DENND1B: variants seen among roughly 807,000 people sequenced by gnomAD.
DENND1B encodes the protein DENN domain containing 1B.
Under a neutral mutation model 90.1 loss-of-function variants are expected in DENND1B, and 59 were observed. The observed-to-expected ratio is 0.65, with a 90% CI of 0.53 to 0.81. The LOEUF (loss-of-function observed/expected upper bound fraction) is 0.81, where lower values mean the gene tolerates loss of function less well. Ranked by LOEUF, DENND1B falls within the 40% of genes least tolerant of loss-of-function variation. The probability of loss-of-function intolerance (pLI) is 0.00; values close to 1 mark genes in which losing one functional copy is unlikely to be tolerated. For synonymous variants in DENND1B, 337 were observed against 324.6 expected (o/e 1.04, Z -0.41); for missense variants, 862 against 912.6 (o/e 0.94, Z 0.71).
intron 2 of DENND1B, among the ~76,000 whole-genome samples, chr1:197,752,154 TAA>T (rs773389678): frequency 6.6e-6 from 1 of 151,374 alleles, no homozygotes; most frequent in Admixed American, 6.6e-5. Context: ...ACAAGACTAA[TAA>T]AAAAAGAGAG....
At chr1:197,542,147 T>C (rs745366496) in intron 18 of DENND1B, among the ~76,000 whole-genome samples, 2 of 152,164 alleles carry the variant, frequency 1.3e-5, no homozygotes, top group African/African-American at 2.4e-5. Context: ...GCTTTGGTAA[T>C]AATTTAAAAT....
At chr1:197,527,826 T>A (rs1193526903) in intron 20 of DENND1B, among the ~76,000 whole-genome samples, 1 of 151,206 alleles carries the variant, frequency 6.6e-6, no homozygotes, top group African/African-American at 2.4e-5. Flanking sequence ...TTACAATCAC[T>A]TTTTTTTTGG....
At chr1:197,676,023 G>A (rs1227082718) in intron 3 of DENND1B, among the ~76,000 whole-genome samples, 8 of 128,276 alleles carry the variant, frequency 6.2e-5, no homozygotes, top group East Asian at 2.4e-4. Flanking sequence ...TTAAACCTCC[G>A]CACTCTTTAA....
At chr1:197,607,044 G>T in intron 13 of DENND1B, 29 bp downstream of exon 13, 1 of 1,503,118 alleles carries the variant, frequency 6.7e-7, no homozygotes, top group Non-Finnish European at 9.2e-7. Flanking sequence ...AAACATATAT[G>T]TTCACCACTG....
At chr1:197,672,918 G>A (rs1052780569) in intron 4 of DENND1B, among the ~76,000 whole-genome samples, 4 of 151,998 alleles carry the variant, frequency 2.6e-5, no homozygotes, top group South Asian at 2.1e-4. Flanking sequence ...AGTACTGGCT[G>A]TAATCTTGCC....
At chr1:197,567,864 T>C (rs1672811769) in intron 15 of DENND1B, among the ~76,000 whole-genome samples, 3 of 152,120 alleles carry the variant, frequency 2.0e-5, no homozygotes, top group South Asian at 4.1e-4. Context: ...TAGTCAATGG[T>C]AAAAAGCTAA....
chr1:197,627,850 T>C lies in DENND1B; in HGVS notation c.673-10091A>G, dbSNP rs999041726. On this transcript the variant is annotated intron_variant, in intron 10 of 22. Transcript: ENST00000620048. ...GCAAAGTCTCAGGATACAAAATCAA[T>C]GTACAAAAATCACAAGCATTCTTAT... 9.9e-5 allele frequency among the ~76,000 whole-genome samples: 15 copies of C among 152,130 alleles called. 1 individual carries two copies. The highest frequency in any genetic ancestry group is 9.2e-4 in the Admixed American group (14 of 15,256).
At position 197,695,561 on chromosome 1, in the gene DENND1B, AG is replaced by A. The variant is rs200715951; in HGVS notation, c.126+19469del. ...ATACGAGTTTATATATAATATTCAC[AG>A]GGTTAGAAAAAGGAGTTTATATATA... On this transcript the variant is annotated intron_variant, in intron 3 of 22. Coordinates refer to ENST00000620048, the MANE Select transcript of DENND1B (RefSeq NM_001195215.2). Among the ~76,000 whole-genome samples the A allele has an allele frequency of 8.4e-3, 1,277 of 151,160 alleles. 19 individuals carry two copies. The highest frequency in any genetic ancestry group is 0.028 in the African/African-American group (1,174 of 41,472).
intron 2 of DENND1B, among the ~76,000 whole-genome samples, chr1:197,762,637 T>C (rs1280496612): frequency 1.3e-5 from 2 of 152,218 alleles, no homozygotes; most frequent in Non-Finnish European, 2.9e-5. Flanking sequence ...TATTGTATAT[T>C]GGATTTCTAG....
intron 2 of DENND1B, among the ~76,000 whole-genome samples, chr1:197,733,854 C>T (rs1662379642): frequency 6.6e-6 from 1 of 152,256 alleles, no homozygotes; most frequent in South Asian, 2.1e-4. Context: ...TTTAACAATC[C>T]TGGTCACCAA....
At chr1:197,694,348 T>A (rs1306255578) in intron 3 of DENND1B, among the ~76,000 whole-genome samples, 1 of 151,544 alleles carries the variant, frequency 6.6e-6, no homozygotes, top group Non-Finnish European at 1.5e-5. Flanking sequence ...CTTTATTTTC[T>A]ACCGAGTAAC....
chr1:197,639,459 C>A (rs1558340073), intron 10 of DENND1B, among the ~76,000 whole-genome samples: 1 of 152,150 alleles, frequency 6.6e-6, no homozygotes. Flanking sequence ...AAACCTACAG[C>A]AAGCTGTAAG....
Position 197,617,545 on chromosome 1 carries a change from G to GT in DENND1B, c.773+113dup, listed in dbSNP as rs1255895381. The GT allele has an allele frequency of 9.9e-6, 7 of 706,690 alleles. 1 individual carries two copies. The Admixed American group carries it at 1.9e-4, about 19-fold the overall frequency. The allele number at this position is 706,690 out of a possible 1,614,324, so 43.8% of individuals were successfully genotyped here. Reference sequence around the variant, plus strand: ...AGCCATCTTTACTATTTATTAAAATGTAAGTTTCTGTGATTTCTTTTAAAT... The same window carrying GT: ...AGCCATCTTTACTATTTATTAAAATGTTAAGTTTCTGTGATTTCTTTTAAAT... On this transcript the variant is annotated intron_variant, in intron 11 of 22. Transcript: ENST00000620048.
chr1:197,558,820 G>A (rs192403117), intron 15 of DENND1B, among the ~76,000 whole-genome samples: 1 of 151,838 alleles, frequency 6.6e-6, no homozygotes, highest in Non-Finnish European at 1.5e-5. Context: ...TCAATTTAAA[G>A]AAATTATCTG....
At chr1:197,656,551 G>A (rs1036683040) in intron 6 of DENND1B, among the ~76,000 whole-genome samples, 1 of 152,094 alleles carries the variant, frequency 6.6e-6, no homozygotes, top group Admixed American at 6.5e-5. Flanking sequence ...GGCCAGGCTT[G>A]GTAGATGGGA....
At chr1:197,770,542 A>G (rs1656302616) in intron 2 of DENND1B, among the ~76,000 whole-genome samples, 1 of 151,094 alleles carries the variant, frequency 6.6e-6, no homozygotes, top group Non-Finnish European at 1.5e-5. Context: ...TCACTTTAAT[A>G]CACATTTAAA....
chr1:197,622,209 A>C (rs1258645546), intron 10 of DENND1B, among the ~76,000 whole-genome samples: 1 of 151,430 alleles, frequency 6.6e-6, no homozygotes, highest in Non-Finnish European at 1.5e-5. Context: ...ATGTTTACAT[A>C]ATGTTTACCA....
intron 20 of DENND1B, among the ~76,000 whole-genome samples, chr1:197,535,591 G>A (rs1463563462): frequency 6.6e-6 from 1 of 152,166 alleles, no homozygotes. Context: ...CACACTAACT[G>A]TAGGTAAATT....
At chr1:197,615,649 A>T (rs1677580920) in intron 11 of DENND1B, among the ~76,000 whole-genome samples, 1 of 150,820 alleles carries the variant, frequency 6.6e-6, no homozygotes, top group African/African-American at 2.4e-5. Context: ...ATGGAAGAAA[A>T]CTGTTTACCC....
Sources: gnomAD v4.1 joint callset for allele counts (sites outside exome capture counted in the v4.1 genomes callset) on GRCh38, gnomAD v4.1.1 for gene constraint, MANE v1.5 for transcripts, NCBI Gene and HGNC (gene_info 2026-07-23, HGNC 2026-07-21) for gene names.